DISP3: variants seen among roughly 807,000 people sequenced by gnomAD.
The protein encoded by DISP3 is protein dispatched homolog 3.
A neutral mutation model predicts 135.3 loss-of-function variants in DISP3; 101 were observed. The observed-to-expected ratio is 0.75, with a 90% CI of 0.64 to 0.88. The LOEUF is 0.88. Ranked by LOEUF, DISP3 falls within the 40% of genes least tolerant of loss-of-function variation. The pLI is 0.00. For synonymous variants in DISP3, 856 were observed against 817.0 expected, an observed-to-expected ratio of 1.05 and a Z score of -0.81; for missense variants, 1,713 against 1,878.6, an observed-to-expected ratio of 0.91 and a Z score of 1.63.
At chr1:11,515,223 C>A in intron 4 of DISP3, 146 bp from the exon 5 acceptor site, 1 of 1,202,830 alleles carries the variant, frequency 8.3e-7, no homozygotes, top group Non-Finnish European at 1.1e-6. Context: ...CAGAATTGGC[C>A]CTGTGCCTGT....
chr1:11,514,442 A>C lies in DISP3; in HGVS notation c.1369A>C (p.Arg457=). The change falls in exon 4 of 21, where the codon AGG becomes CGG. Residue 457 remains arginine, a synonymous_variant. Coordinates refer to ENST00000294484, the MANE Select transcript of DISP3 (RefSeq NM_020780.2). Reference sequence around the variant, plus strand: ...AGACCTGTTTGACTATGAAGTGCGCAGGACGTTCAACAATGACATGCTCCT... The same window carrying C: ...AGACCTGTTTGACTATGAAGTGCGCCGGACGTTCAACAATGACATGCTCCT... ...GTDLFDYEVR[R]TFNNDMLLAF... is the part of the protein sequence containing the mutation. 6.2e-7 allele frequency: 1 copy of C among 1,613,740 alleles called. No individual in the cohort carries two copies. The highest frequency in any genetic ancestry group is 8.5e-7 in the Non-Finnish European group (1 of 1,179,568).
chr1:11,502,977 C>A, intron 3 of DISP3, 80 bp downstream of exon 3: 2 of 1,225,842 alleles, frequency 1.6e-6, no homozygotes, highest in East Asian at 2.4e-5. Flanking sequence ...CCCCATATCC[C>A]TTTCCCTATA....
At chr1:11,514,868 A>T (rs142975160) in intron 4 of DISP3, among the ~76,000 whole-genome samples, 1 of 152,272 alleles carries the variant, frequency 6.6e-6, no homozygotes, top group African/African-American at 2.4e-5. Flanking sequence ...TGGAGTCCCA[A>T]GTCAACTGCC....
chr1:11,503,515 C>T (rs1353798359), intron 3 of DISP3, among the ~76,000 whole-genome samples: 3 of 152,048 alleles, frequency 2.0e-5, no homozygotes, highest in Admixed American at 1.3e-4. Flanking sequence ...AGTCCGAAGG[C>T]CAGAGAGCGT....
chr1:11,493,120 C>T (rs1465968127), intron 1 of DISP3, among the ~76,000 whole-genome samples: 2 of 151,986 alleles, frequency 1.3e-5, no homozygotes, highest in African/African-American at 4.8e-5. Context: ...CTGAGAAGCC[C>T]CAAGATCTGC....
intron 17 of DISP3, chr1:11,533,943 CAGGT>C: frequency 1.4e-6 from 1 of 698,070 alleles, no homozygotes; most frequent in East Asian, 2.7e-5. Context: ...CAGGGCCAGG[CAGGT>C]TGCCAGGCAG....
At chr1:11,492,339 G>C (rs1174003320) in intron 1 of DISP3, among the ~76,000 whole-genome samples, 4 of 152,132 alleles carry the variant, frequency 2.6e-5, no homozygotes, top group Non-Finnish European at 2.9e-5. Flanking sequence ...TGTTGGCTGG[G>C]ACGTTTCCTC....
intron 10 of DISP3, among the ~76,000 whole-genome samples, chr1:11,522,680 C>T: frequency 7.7e-6 from 1 of 130,442 alleles, no homozygotes; most frequent in East Asian, 2.5e-4. Flanking sequence ...AGGACCCAGC[C>T]AGAGCCCAGC....
rs759305915 is a variant in DISP3, at chr1:11,502,439, G to T, written c.1097-239G>T. Among the ~76,000 whole-genome samples the T allele has an allele frequency of 6.4e-4, 98 of 152,180 alleles. 1 individual carries two copies. The highest frequency in any genetic ancestry group is 1.3e-3 in the Non-Finnish European group (88 of 68,034). Reference sequence around the variant, plus strand: ...GAAATCTGGCCATAGGAAGGCAGGAGAAATGATTGGGGTTGAAGAAGACTG... The same window carrying T: ...GAAATCTGGCCATAGGAAGGCAGGATAAATGATTGGGGTTGAAGAAGACTG... On this transcript the variant is annotated intron_variant, in intron 2 of 20. Transcript: ENST00000294484.
In DISP3 at chr1:11,529,066, A is replaced by G. The variant is rs1193779307; in HGVS notation, c.2799-490A>G. Among the ~76,000 whole-genome samples the G allele has an allele frequency of 6.6e-6, 1 of 152,164 alleles. No homozygotes were observed. The highest frequency in any genetic ancestry group is 2.4e-5 in the African/African-American group (1 of 41,442). ...TGGATGAGCTGGAAACATTCTAGAAAGAACTTTGAGCTGCACTGGGTCTAG... is the reference window on the plus strand; with the variant it reads ...TGGATGAGCTGGAAACATTCTAGAAGGAACTTTGAGCTGCACTGGGTCTAG... On this transcript the variant is annotated intron_variant, in intron 13 of 20. Transcript: ENST00000294484. The surrounding 1 kb of genome is among the most constrained non-coding windows in gnomAD (Gnocchi z 4.7).
chr1:11,512,482 A>G (rs993183375), intron 3 of DISP3, among the ~76,000 whole-genome samples: 4 of 152,180 alleles, frequency 2.6e-5, no homozygotes, highest in African/African-American at 9.7e-5. Context: ...CTAAAACATA[A>G]CAAGAGTCAC....
Position 11,516,198 on chromosome 1 carries a change from A to G in DISP3, c.1749+37A>G, listed in dbSNP as rs377269934. 23 of 1,602,366 alleles carry G rather than the reference A, an allele frequency of 1.4e-5. No homozygotes were observed. Among genetic ancestry groups the G allele is most frequent in the Non-Finnish European group, 1.8e-5 (21 of 1,173,042 alleles). Reference sequence around the variant, plus strand: ...TCCTCCATTCCTGTCCTGGCCTCCCACACGCTCATGCATACCTAGCCGCTG... The same window carrying G: ...TCCTCCATTCCTGTCCTGGCCTCCCGCACGCTCATGCATACCTAGCCGCTG... On this transcript the variant is annotated intron_variant, in intron 6 of 20. Coordinates refer to ENST00000294484, the MANE Select transcript of DISP3 (RefSeq NM_020780.2). This position sits in a 1 kb window ranked among gnomAD's most constrained non-coding sequence, Gnocchi z 5.1.
chr1:11,506,068 A>G (rs1641698101), intron 3 of DISP3, among the ~76,000 whole-genome samples: 1 of 152,226 alleles, frequency 6.6e-6, no homozygotes, highest in Admixed American at 6.5e-5. Context: ...ACTTTACCTG[A>G]AGATGTCACT....
chr1:11,482,576 T>C (rs1214969100), intron 1 of DISP3, among the ~76,000 whole-genome samples: 1 of 152,132 alleles, frequency 6.6e-6, no homozygotes, highest in Non-Finnish European at 1.5e-5. Context: ...GTGGTAGTAG[T>C]GATGGTTGAC....
At chr1:11,490,146 G>A (rs1013552679) in intron 1 of DISP3, among the ~76,000 whole-genome samples, 4 of 152,172 alleles carry the variant, frequency 2.6e-5, no homozygotes, top group Non-Finnish European at 5.9e-5. Flanking sequence ...TGGTCTGGAC[G>A]GATTGGCCAA....
chr1:11,515,512 C>T lies in DISP3; in HGVS notation c.1588+9C>T, dbSNP rs1011204257. On this transcript the variant is annotated intron_variant, in intron 5 of 20. Coordinates refer to ENST00000294484, the MANE Select transcript of DISP3 (RefSeq NM_020780.2). Reference sequence around the variant, plus strand: ...CGTGATCGTGGGCATTGGTGAGTCGCCTCTGTTGTCATGGCAGTGCGCCTC... The same window carrying T: ...CGTGATCGTGGGCATTGGTGAGTCGTCTCTGTTGTCATGGCAGTGCGCCTC... 3.8e-6 allele frequency: 6 copies of T among 1,594,254 alleles called. No individual in the cohort carries two copies. Among genetic ancestry groups the T allele is most frequent in the Non-Finnish European group, 5.1e-6 (6 of 1,170,494 alleles).
intron 10 of DISP3, among the ~76,000 whole-genome samples, chr1:11,522,898 GCCAGAGCCCAGCCAGGACCCAGCAAGGA>G (rs1331960514): frequency 9.5e-5 from 13 of 137,212 alleles, no homozygotes; most frequent in South Asian, 2.4e-4. Context: ...CCAGGACCCA[GCCAGAGCCCAGCCAGGACCCAGCAAGGA>G]CCCAGCCAGG....
intron 10 of DISP3, among the ~76,000 whole-genome samples, chr1:11,522,403 G>A (rs1167600941): frequency 2.0e-5 from 3 of 152,086 alleles, no homozygotes; most frequent in Non-Finnish European, 4.4e-5. Context: ...GCCAGCCCTG[G>A]CCACGTCCCC....
At chr1:11,532,246 G>T (rs1373375995) in intron 17 of DISP3, among the ~76,000 whole-genome samples, 1 of 152,158 alleles carries the variant, frequency 6.6e-6, no homozygotes, top group Non-Finnish European at 1.5e-5. Flanking sequence ...GGGACTCTCG[G>T]CCCTGGCACA....
Sources: gnomAD v4.1 joint callset for allele counts (sites outside exome capture counted in the v4.1 genomes callset) on GRCh38, gnomAD v4.1.1 for gene constraint, Gnocchi (gnomAD v3.1) non-coding constraint, MANE v1.5 for transcripts, NCBI Gene and HGNC (gene_info 2026-07-23, HGNC 2026-07-21) for gene names.